TLN2: variants seen among roughly 807,000 people sequenced by gnomAD.
TLN2 encodes the protein talin-2.
TLN2 carries 118 observed loss-of-function variants against 294.7 expected under a neutral mutation model. The observed-to-expected ratio is 0.40, with a 90% CI of 0.34 to 0.47. The LOEUF is 0.47. Among genes scored for constraint, TLN2 ranks in the 20% least tolerant of loss-of-function variants. The pLI, the probability that TLN2 is intolerant of heterozygous loss-of-function variation, is 0.84. For synonymous variants in TLN2, 1,431 were observed against 1,304.5 expected, an observed-to-expected ratio of 1.10 and a Z score of -2.09; for missense variants, 3,083 against 3,282.2, an observed-to-expected ratio of 0.94 and a Z score of 1.48.
At chr15:62,594,764 T>TA (rs1343006188) in intron 2 of TLN2, among the ~76,000 whole-genome samples, 1 of 152,150 alleles carries the variant, frequency 6.6e-6, no homozygotes, top group Non-Finnish European at 1.5e-5. Context: ...TGTTTTTGGA[T>TA]ATAAACACAA....
chr15:62,718,487 G>A (rs1012665738), intron 24 of TLN2, among the ~76,000 whole-genome samples: 2 of 152,218 alleles, frequency 1.3e-5, no homozygotes, highest in African/African-American at 4.8e-5. Flanking sequence ...TTTGTGAGGG[G>A]TGCCACTGCT....
intron 1 of TLN2, among the ~76,000 whole-genome samples, chr15:62,407,192 T>C (rs1426663473): frequency 6.6e-6 from 1 of 152,178 alleles, no homozygotes; most frequent in Non-Finnish European, 1.5e-5. Flanking sequence ...TTACCTTTTA[T>C]TAAGGCCTTG....
intron 27 of TLN2, among the ~76,000 whole-genome samples, chr15:62,726,441 C>A (rs2060445138): frequency 6.6e-6 from 1 of 152,196 alleles, no homozygotes; most frequent in African/African-American, 2.4e-5. Context: ...TAGGCCTTTA[C>A]TGACTTCGTT....
At chr15:62,465,176 C>G (rs1240968804) in intron 1 of TLN2, among the ~76,000 whole-genome samples, 1 of 112,032 alleles carries the variant, frequency 8.9e-6, no homozygotes, top group Non-Finnish European at 1.7e-5. Flanking sequence ...TTTAGTTCTT[C>G]TACTTGGCAG....
rs186567347 is a variant in TLN2 at position 62,744,321 on chromosome 15, T to G, written c.4025+3552T>G. On this transcript the variant is annotated intron_variant, in intron 32 of 58. Transcript: ENST00000636159. ...TCATCCAACTTCTTTGTACCTTGTC[T>G]TCTCATTGTCTTGCCTTTTCCATTA... Among the ~76,000 whole-genome samples the G allele has an allele frequency of 1.2e-4, 19 of 152,264 alleles. No homozygotes were observed. The East Asian group carries it at 3.7e-3, about 29-fold the overall frequency.
intron 12 of TLN2, among the ~76,000 whole-genome samples, chr15:62,691,733 G>T (rs58619833): frequency 0.06 from 9,125 of 152,012 alleles, 888 homozygotes; most frequent in African/African-American, 0.2. Context: ...CCAAGCTGGA[G>T]TGTAGTGGTG....
In TLN2 at chr15:62,771,052, C is replaced by T. The variant is rs1351386849; in HGVS notation, c.5285C>T (p.Thr1762Met). 3.0e-5 allele frequency: 48 copies of T among 1,612,842 alleles called. 1 individual carries two copies. Among genetic ancestry groups the T allele is most frequent in the South Asian group, 5.5e-5 (5 of 91,004 alleles). ...ATTCTTGATCATCAGCAGCAGATGA[C>T]GGTGCTGGACCAGACCAAGACTCTC... ...SKILDHQQQM[T>M]VLDQTKTLAE... The change falls in exon 42 of 59, where the codon ACG (threonine) becomes ATG (methionine). Residue 1762 changes from threonine (T) to methionine (M), a missense_variant. Physicochemically the swap from Thr to Met is moderately conservative, Grantham distance 81. Coordinates refer to ENST00000636159, the MANE Select transcript of TLN2 (RefSeq NM_015059.3).
chr15:62,747,598 A>G (rs1029187153), intron 32 of TLN2, among the ~76,000 whole-genome samples: 20 of 152,088 alleles, frequency 1.3e-4, no homozygotes, highest in African/African-American at 3.6e-4. Flanking sequence ...AATATGGTCT[A>G]TTTGCTTGTT....
At chr15:62,811,023 G>A (rs2095604024) in intron 52 of TLN2, among the ~76,000 whole-genome samples, 1 of 152,218 alleles carries the variant, frequency 6.6e-6, no homozygotes, top group African/African-American at 2.4e-5. Flanking sequence ...GACCCAGAAA[G>A]CTTGTCCCTT....
rs1380880834 is a variant in TLN2, at chr15:62,425,335, T to C, written c.-238+34650T>C. 1.1e-4 allele frequency among the ~76,000 whole-genome samples: 17 copies of C among 151,696 alleles called. No homozygotes were observed. In the East Asian group the frequency reaches 3.3e-3, roughly 29 times the overall value. On this transcript the variant is annotated intron_variant, in intron 1 of 58. Coordinates refer to ENST00000636159, the MANE Select transcript of TLN2 (RefSeq NM_015059.3). The stretch of plus-strand genomic sequence containing the variant: ...CACCCCTGGGGAATACTGCCTGCGG[T>C]TGATCTCCAGCAGATTCTCTTGTGT...
chr15:62,601,759 C>T (rs529245137), intron 2 of TLN2, among the ~76,000 whole-genome samples: 7 of 152,228 alleles, frequency 4.6e-5, no homozygotes, highest in African/African-American at 9.6e-5. Context: ...CTTGGAAAGT[C>T]GGGATAAATA....
chr15:62,670,113 G>A (rs184123471), intron 9 of TLN2, among the ~76,000 whole-genome samples: 1 of 152,290 alleles, frequency 6.6e-6, no homozygotes, highest in Admixed American at 6.5e-5. Context: ...ACCACCATCT[G>A]GTATTCTTCT....
chr15:62,711,907 C>G lies in TLN2; in HGVS notation c.2468-4C>G. 6.2e-7 allele frequency: 1 copy of G among 1,605,128 alleles called. No homozygotes were observed. Among genetic ancestry groups the G allele is most frequent in the South Asian group, 1.1e-5 (1 of 90,702 alleles). The stretch of plus-strand genomic sequence containing the variant: ...CAGACCTCATCCTCTATTCTGTCTT[C>G]TAGGTGAAATGGTGCGCCAGGCGCG... On this transcript the variant is annotated splice_polypyrimidine_tract_variant and splice_region_variant and intron_variant, in intron 21 of 58. Transcript: ENST00000636159.
intron 2 of TLN2, among the ~76,000 whole-genome samples, chr15:62,603,107 T>C (rs1421078128): frequency 6.6e-6 from 1 of 151,910 alleles, no homozygotes; most frequent in Admixed American, 6.6e-5. Context: ...TTAGCCAGGA[T>C]GGTCTCCATC....
At chr15:62,820,294 C>G (rs867528621) in intron 53 of TLN2, among the ~76,000 whole-genome samples, 192 bp from the exon 54 acceptor site, 2 of 151,708 alleles carry the variant, frequency 1.3e-5, no homozygotes, top group African/African-American at 2.4e-5. Flanking sequence ...ATTTAGAAAA[C>G]CAGGATTAGC....
chr15:62,391,926 G>A (rs2140218396), intron 1 of TLN2, among the ~76,000 whole-genome samples: 1 of 152,390 alleles, frequency 6.6e-6, no homozygotes, highest in East Asian at 1.9e-4. Flanking sequence ...GGCGCCGAGT[G>A]TAGAGCGTTC....
chr15:62,558,964 T>C (rs1406926596), intron 1 of TLN2, among the ~76,000 whole-genome samples: 2 of 152,202 alleles, frequency 1.3e-5, no homozygotes, highest in African/African-American at 4.8e-5. Context: ...GCAGAGAAGC[T>C]TTCCTGCATT....
intron 16 of TLN2, 50 bp from the exon 17 acceptor site, chr15:62,701,056 C>T: frequency 6.6e-7 from 1 of 1,524,878 alleles, no homozygotes. Flanking sequence ...CTCCGGTCTC[C>T]TGGGTAATTC....
intron 3 of TLN2, among the ~76,000 whole-genome samples, chr15:62,626,136 G>A (rs61054505): frequency 2.6e-4 from 39 of 152,298 alleles, no homozygotes; most frequent in African/African-American, 8.7e-4. Context: ...GCAAATATAG[G>A]TACATAGAAG....
Sources: allele counts gnomAD v4.1 joint callset (sites outside exome capture counted in the v4.1 genomes callset), GRCh38; gene constraint gnomAD v4.1.1; transcripts MANE v1.5; gene names NCBI Gene and HGNC (gene_info 2026-07-23, HGNC 2026-07-21).